The following PTPRG variants were observed in gnomAD, a reference collection of about 807,000 sequenced individuals.
PTPRG encodes the protein receptor-type tyrosine-protein phosphatase gamma.
Under a neutral mutation model 165.3 loss-of-function variants are expected in PTPRG, and 102 were observed. The ratio of observed to expected loss-of-function variants is 0.62; its 90% CI spans 0.53 to 0.73. The LOEUF (loss-of-function observed/expected upper bound fraction) is 0.73. Ranked by LOEUF, PTPRG falls within the 30% of genes least tolerant of loss-of-function variation. The pLI, the probability that PTPRG is intolerant of heterozygous loss-of-function variation, is 0.00. For missense variants in PTPRG, 1,866 were observed against 1,861.4 expected (o/e 1.00, Z -0.05); for synonymous variants, 675 against 669.5 (o/e 1.01, Z -0.13).
chr3:61,831,980 ATAATG>A (rs2036309101), intron 2 of PTPRG, among the ~76,000 whole-genome samples: 1 of 152,234 alleles, frequency 6.6e-6, no homozygotes, highest in African/African-American at 2.4e-5. Flanking sequence ...TTTTCTAAAA[ATAATG>A]TAATATTTTA....
intron 1 of PTPRG, among the ~76,000 whole-genome samples, chr3:61,690,529 A>G (rs2030130853): frequency 6.6e-6 from 1 of 152,328 alleles, no homozygotes; most frequent in South Asian, 2.1e-4. Flanking sequence ...AGGTTAAACA[A>G]ACATTCACCA....
chr3:61,688,368 C>T (rs1703707477), intron 1 of PTPRG, among the ~76,000 whole-genome samples: 1 of 152,176 alleles, frequency 6.6e-6, no homozygotes, highest in Non-Finnish European at 1.5e-5. Flanking sequence ...TGGCATTTGT[C>T]ATCCCAGCTG....
intron 5 of PTPRG, among the ~76,000 whole-genome samples, chr3:62,088,319 A>G (rs182276965): frequency 1.4e-4 from 21 of 152,314 alleles, no homozygotes; most frequent in African/African-American, 5.1e-4. Context: ...ATGGTCATCA[A>G]CTAGCTAAGT....
intron 14 of PTPRG, among the ~76,000 whole-genome samples, chr3:62,238,676 T>TG: frequency 6.6e-6 from 1 of 152,202 alleles, no homozygotes; most frequent in Non-Finnish European, 1.5e-5. Flanking sequence ...TCATCATGAA[T>TG]GGGGCTTACC....
At chr3:61,868,900 G>C (rs1184894396) in intron 2 of PTPRG, among the ~76,000 whole-genome samples, 2 of 148,742 alleles carry the variant, frequency 1.3e-5, no homozygotes, top group East Asian at 3.9e-4. Flanking sequence ...TTGTTCAGAA[G>C]GGTGTTTTTT....
At chr3:61,942,156 TAAAA>T (rs72243584) in intron 2 of PTPRG, among the ~76,000 whole-genome samples, 2 of 128,640 alleles carry the variant, frequency 1.6e-5, no homozygotes, top group African/African-American at 2.9e-5. Flanking sequence ...AGACTCTGTC[TAAAA>T]AAAAAAAAAA....
At chr3:62,051,188 TTGAG>T (rs930036443) in intron 4 of PTPRG, among the ~76,000 whole-genome samples, 5 of 152,212 alleles carry the variant, frequency 3.3e-5, no homozygotes, top group African/African-American at 1.2e-4. Flanking sequence ...CAAATATTTA[TTGAG>T]TGTCATCCAT....
chr3:61,944,123 G>A (rs954114087), intron 2 of PTPRG, among the ~76,000 whole-genome samples: 1 of 151,920 alleles, frequency 6.6e-6, no homozygotes, highest in African/African-American at 2.4e-5. Flanking sequence ...GTTGTTGTAG[G>A]GGCTTTCCTG....
At chr3:61,936,536 C>G (rs927971405) in intron 2 of PTPRG, among the ~76,000 whole-genome samples, 17 of 152,262 alleles carry the variant, frequency 1.1e-4, no homozygotes, top group Admixed American at 2.0e-4. Context: ...CTACCCGCCC[C>G]CTACTGGTCA....
intron 8 of PTPRG, among the ~76,000 whole-genome samples, chr3:62,185,905 C>T (rs908967292): frequency 6.6e-6 from 1 of 152,180 alleles, no homozygotes; most frequent in Non-Finnish European, 1.5e-5. Context: ...GGTCTGGCTC[C>T]AAAGCCCACA....
intron 1 of PTPRG, among the ~76,000 whole-genome samples, chr3:61,634,879 C>G (rs889751723): frequency 6.6e-6 from 1 of 152,218 alleles, no homozygotes; most frequent in Non-Finnish European, 1.5e-5. Context: ...ACTGTCACAA[C>G]ACTGTTGAGT....
intron 5 of PTPRG, among the ~76,000 whole-genome samples, chr3:62,118,669 T>C (rs975420769): frequency 6.6e-6 from 1 of 152,170 alleles, no homozygotes; most frequent in Non-Finnish European, 1.5e-5. Flanking sequence ...TAAAAGAAAA[T>C]AAAAAGAAAT....
At chr3:61,973,630 G>C (rs980076980) in intron 2 of PTPRG, among the ~76,000 whole-genome samples, 4 of 152,030 alleles carry the variant, frequency 2.6e-5, no homozygotes, top group African/African-American at 9.7e-5. Flanking sequence ...TCAGGAGTTT[G>C]AGAACAGCCT....
intron 1 of PTPRG, among the ~76,000 whole-genome samples, chr3:61,563,057 C>A (rs1699804614): frequency 6.6e-6 from 1 of 151,976 alleles, no homozygotes; most frequent in South Asian, 2.1e-4. Context: ...AGATCCGTGT[C>A]TCCCCTAGCC....
At chr3:61,877,215 T>A (rs1272824770) in intron 2 of PTPRG, among the ~76,000 whole-genome samples, 2 of 152,236 alleles carry the variant, frequency 1.3e-5, no homozygotes. Context: ...TTCTGGCTTT[T>A]ATTTACATAT....
chr3:62,096,321 A>C (rs1254041359), intron 5 of PTPRG, among the ~76,000 whole-genome samples: 2 of 152,152 alleles, frequency 1.3e-5, no homozygotes, highest in Non-Finnish European at 2.9e-5. Flanking sequence ...GGCTTTAGAA[A>C]TGCTGCTCAC....
At chr3:62,074,178 AGAGTGTGTGTGTGT>A (rs1422640027) in intron 4 of PTPRG, among the ~76,000 whole-genome samples, 10 of 65,010 alleles carry the variant, frequency 1.5e-4, no homozygotes, top group African/African-American at 4.1e-4. Context: ...AAAAAAAGTG[AGAGTGTGTGTGTGT>A]GTGTGTGTGT....
chr3:61,688,850 A>G (rs1217359520), intron 1 of PTPRG, among the ~76,000 whole-genome samples: 1 of 152,188 alleles, frequency 6.6e-6, no homozygotes, highest in African/African-American at 2.4e-5. Context: ...GAAGAAGCTT[A>G]GATAGGGCGG....
chr3:62,184,609 G>T (rs1314753790), intron 8 of PTPRG, among the ~76,000 whole-genome samples: 4 of 152,156 alleles, frequency 2.6e-5, no homozygotes, highest in Non-Finnish European at 5.9e-5. Context: ...AACAGGAAAT[G>T]CCTCCTGCTC....
Sources: gnomAD v4.1 joint callset for allele counts (sites outside exome capture counted in the v4.1 genomes callset) on GRCh38, gnomAD v4.1.1 for gene constraint, MANE v1.5 for transcripts, NCBI Gene and HGNC (gene_info 2026-07-23, HGNC 2026-07-21) for gene names.